The following ACTN2 variants were observed in gnomAD, a reference collection of about 807,000 sequenced individuals.
The protein encoded by ACTN2 is alpha-actinin-2.
A neutral mutation model predicts 113.8 loss-of-function variants in ACTN2; 39 were observed. That is an observed-to-expected ratio of 0.34 (90% CI 0.27 to 0.45). The LOEUF (loss-of-function observed/expected upper bound fraction) is 0.45. Ranked by LOEUF, ACTN2 falls within the 20% of genes least tolerant of loss-of-function variation. The pLI is 1.00. For synonymous variants in ACTN2, 429 were observed against 444.1 expected, an observed-to-expected ratio of 0.97 and a Z score of 0.43; for missense variants, 992 against 1,177.9, an observed-to-expected ratio of 0.84 and a Z score of 2.31.
chr1:236,688,939 C>CATG (rs1412440173), intron 1 of ACTN2, among the ~76,000 whole-genome samples: 1 of 152,150 alleles, frequency 6.6e-6, no homozygotes, highest in Non-Finnish European at 1.5e-5. Flanking sequence ...GCTGGTAGCA[C>CATG]ATGATGACGT....
At chr1:236,687,365 C>A (rs894648979) in intron 1 of ACTN2, among the ~76,000 whole-genome samples, 1 of 152,174 alleles carries the variant, frequency 6.6e-6, no homozygotes, top group East Asian at 1.9e-4. Context: ...GGTAAGCACA[C>A]AGGGACGAAG....
In ACTN2 at chr1:236,742,961, T is replaced by A; in HGVS notation, c.1173T>A (p.Asn391Lys). Reference protein sequence around the residue: ...AEKGYEEWLLNEIRRLERLEH... With the variant: ...AEKGYEEWLLKEIRRLERLEH... ...AGGGTTACGAGGAGTGGTTGCTCAA[T>A]GAGATTCGGAGACTGGAGCGCTTGG... Residue 391 changes from asparagine (N) to lysine (K), a missense_variant, in exon 11 of 21, where the codon AAT becomes AAA. Coordinates refer to ENST00000366578, the MANE Select transcript of ACTN2 (RefSeq NM_001103.4). The A allele has an allele frequency of 6.2e-7, 1 of 1,614,104 alleles. No homozygotes were observed. The highest frequency in any genetic ancestry group is 8.5e-7 in the Non-Finnish European group (1 of 1,180,026).
At chr1:236,745,580 C>T (rs546206194) in intron 12 of ACTN2, among the ~76,000 whole-genome samples, 8 of 152,286 alleles carry the variant, frequency 5.3e-5, no homozygotes, top group South Asian at 4.1e-4. Context: ...AGAACTGACA[C>T]GACATTTGAG....
In ACTN2 at chr1:236,749,106, C is replaced by T; in HGVS notation, c.1516-18C>T. 1 of 1,613,830 alleles carries T rather than the reference C, an allele frequency of 6.2e-7. No individual in the cohort carries two copies. The highest frequency in any genetic ancestry group is 8.5e-7 in the Non-Finnish European group (1 of 1,179,846). ...TTTAATTAGTCTATGATAATGCTTG[C>T]TTCTCTTTATTCTTTAGAGAATGGA... On this transcript the variant is annotated intron_variant, in intron 13 of 20. Coordinates refer to ENST00000366578, the MANE Select transcript of ACTN2 (RefSeq NM_001103.4).
chr1:236,709,160 T>C (rs1323912379), intron 1 of ACTN2, among the ~76,000 whole-genome samples: 1 of 147,726 alleles, frequency 6.8e-6, no homozygotes, highest in Non-Finnish European at 1.5e-5. Context: ...GGCCGGCCTC[T>C]TTCTTCTCCT....
chr1:236,757,402 C>T (rs973706800), intron 17 of ACTN2, 84 bp from the exon 18 acceptor site: 16 of 1,552,224 alleles, frequency 1.0e-5, no homozygotes, highest in Middle Eastern at 1.7e-4. Flanking sequence ...CCCTTTGAGT[C>T]GGCTGTACTG....
intron 1 of ACTN2, among the ~76,000 whole-genome samples, chr1:236,694,181 C>G (rs1228986029): frequency 6.6e-6 from 1 of 151,784 alleles, no homozygotes; most frequent in Non-Finnish European, 1.5e-5. Context: ...CCTCATTGGA[C>G]TCACACAGAG....
intron 18 of ACTN2, among the ~76,000 whole-genome samples, chr1:236,758,858 T>A (rs1374341892): frequency 6.6e-6 from 1 of 152,112 alleles, no homozygotes; most frequent in Non-Finnish European, 1.5e-5. Flanking sequence ...TGACCTCAGG[T>A]GATCCATCTG....
At chr1:236,707,709 CTTTTTTTTTTT>C (rs5781919) in intron 1 of ACTN2, among the ~76,000 whole-genome samples, 1 of 78,758 alleles carries the variant, frequency 1.3e-5, no homozygotes, top group East Asian at 3.6e-4. Flanking sequence ...TCTTTTTTTT[CTTTTTTTTTTT>C]TTTTTTTTTG....
In ACTN2 at chr1:236,719,030, G is replaced by A. The variant is rs1217738610; in HGVS notation, c.361+17G>A. 6.2e-6 allele frequency: 10 copies of A among 1,613,484 alleles called. No homozygotes were observed. Among genetic ancestry groups the A allele is most frequent in the Non-Finnish European group, 8.5e-6 (10 of 1,179,876 alleles). On this transcript the variant is annotated intron_variant, in intron 3 of 20. Coordinates refer to ENST00000366578, the MANE Select transcript of ACTN2 (RefSeq NM_001103.4). ...GCGCTGAAGGTGAGAGGTGTGGTGG[G>A]TGGTCCTGTCTGCCACACTGACCTA... is the stretch of plus-strand genomic sequence containing the variant.
intron 19 of ACTN2, among the ~76,000 whole-genome samples, 195 bp downstream of exon 19, chr1:236,759,984 G>A (rs867488094): frequency 2.2e-4 from 34 of 152,174 alleles, no homozygotes; most frequent in African/African-American, 7.7e-4. Context: ...AGTGGCTCAC[G>A]CCTGTAATCC....
At chr1:236,687,192 A>G (rs1665905275) in intron 1 of ACTN2, among the ~76,000 whole-genome samples, 1 of 152,176 alleles carries the variant, frequency 6.6e-6, no homozygotes. Context: ...CATTGAAAGA[A>G]GCAAAAGAAC....
intron 8 of ACTN2, 84 bp from the exon 9 acceptor site, chr1:236,737,038 C>G (rs1199998541): frequency 8.6e-7 from 1 of 1,168,446 alleles, no homozygotes; most frequent in African/African-American, 1.5e-5. Context: ...CCTCCTCGTC[C>G]CCTCTCATCA....
chr1:236,706,302 GACAAATGGATCTTATTCA>G (rs1444435074), intron 1 of ACTN2, among the ~76,000 whole-genome samples: 1 of 152,010 alleles, frequency 6.6e-6, no homozygotes, highest in African/African-American at 2.4e-5. Flanking sequence ...CAGAAAGTCT[GACAAATGGATCTTATTCA>G]ACAAATAGTT....
At chr1:236,742,830 G>T in intron 10 of ACTN2, 66 bp from the exon 11 acceptor site, 1 of 1,601,854 alleles carries the variant, frequency 6.2e-7, no homozygotes, top group Non-Finnish European at 8.6e-7. Flanking sequence ...GAAGAAGCCT[G>T]AGAGGCCAGA....
intron 1 of ACTN2, among the ~76,000 whole-genome samples, chr1:236,715,940 A>G (rs80183050): frequency 6.6e-6 from 1 of 152,090 alleles, no homozygotes; most frequent in Non-Finnish European, 1.5e-5. Context: ...TGGAAGCAAG[A>G]CTCCGTCTCA....
intron 1 of ACTN2, among the ~76,000 whole-genome samples, chr1:236,712,346 C>T (rs1658052307): frequency 6.6e-6 from 1 of 152,118 alleles, no homozygotes; most frequent in Non-Finnish European, 1.5e-5. Context: ...TCTTTATAAG[C>T]TATTACCACA....
At chr1:236,742,848 G>A (rs778287099) in intron 10 of ACTN2, 48 bp from the exon 11 acceptor site, 5 of 1,611,740 alleles carry the variant, frequency 3.1e-6, no homozygotes, top group South Asian at 1.1e-5. Flanking sequence ...AGAATGTAAC[G>A]AAGGTGCTTG....
rs794728963 is a variant in ACTN2 at position 236,735,637 on chromosome 1, A to C, written c.700A>C (p.Ile234Leu). 1 of 1,613,960 alleles carries C rather than the reference A, an allele frequency of 6.2e-7. No individual in the cohort carries two copies. Among genetic ancestry groups the C allele is most frequent in the African/African-American group, 1.3e-5 (1 of 74,972 alleles). Reference sequence around the variant, plus strand: ...TGTGTTATTTTCTCCCCCTTCAGACATCGTGAACACCCCTAAACCCGATGA... The same window carrying C: ...TGTGTTATTTTCTCCCCCTTCAGACCTCGTGAACACCCCTAAACCCGATGA... ...DIPKMLDAED[I>L]VNTPKPDERA... The change falls in exon 8 of 21, where the codon ATC becomes CTC. Residue 234 changes from isoleucine (I) to leucine (L), a missense_variant and splice_region_variant. Coordinates refer to ENST00000366578, the MANE Select transcript of ACTN2 (RefSeq NM_001103.4).
Sources: allele counts gnomAD v4.1 joint callset (sites outside exome capture counted in the v4.1 genomes callset), GRCh38; gene constraint gnomAD v4.1.1; transcripts MANE v1.5; gene names NCBI Gene and HGNC (gene_info 2026-07-23, HGNC 2026-07-21).